The following NDST4 variants were observed in gnomAD, a reference collection of about 807,000 sequenced individuals.
NDST4 encodes the protein N-heparan sulfate sulfotransferase 4.
A neutral mutation model predicts 100.8 loss-of-function variants in NDST4; 63 were observed. The observed-to-expected ratio is 0.62, with a 90% CI of 0.51 to 0.77. The LOEUF (loss-of-function observed/expected upper bound fraction) is 0.77, where lower values mean the gene tolerates loss of function less well. Among genes scored for constraint, NDST4 ranks in the 30% least tolerant of loss-of-function variants. The pLI is 0.00. For synonymous variants in NDST4, 377 were observed against 361.8 expected, an observed-to-expected ratio of 1.04 and a Z score of -0.48; for missense variants, 943 against 1,018.4, an observed-to-expected ratio of 0.93 and a Z score of 1.01.
chr4:115,056,708 A>C (rs55881462), intron 2 of NDST4, among the ~76,000 whole-genome samples: 15 of 152,296 alleles, frequency 9.8e-5, no homozygotes, highest in Non-Finnish European at 1.9e-4. Flanking sequence ...GGTCATGCTC[A>C]GAAAAAAATA....
At chr4:114,888,546 G>A (rs770529160) in intron 6 of NDST4, among the ~76,000 whole-genome samples, 32 of 152,202 alleles carry the variant, frequency 2.1e-4, no homozygotes, top group African/African-American at 6.5e-4. Context: ...AACTGGTAAA[G>A]AAGTTAAAAC....
Position 114,943,636 on chromosome 4 carries a change from A to C in NDST4, c.1222-6133T>G, listed in dbSNP as rs571516585. Among the ~76,000 whole-genome samples, 18 of 152,266 alleles carry C rather than the reference A, an allele frequency of 1.2e-4. No homozygotes were observed. In the South Asian group the frequency reaches 2.9e-3, roughly 25 times the overall value. Reference sequence around the variant, plus strand: ...ATTATTTCCGTTTTCACATAATTATATATAATATTTTAAGTACATAATAAA... The same window carrying C: ...ATTATTTCCGTTTTCACATAATTATCTATAATATTTTAAGTACATAATAAA... On this transcript the variant is annotated intron_variant, in intron 4 of 13. Transcript: ENST00000264363.
chr4:114,970,238 T>C (rs748553829), intron 4 of NDST4, among the ~76,000 whole-genome samples, 192 bp downstream of exon 4: 4 of 152,222 alleles, frequency 2.6e-5, no homozygotes, highest in Non-Finnish European at 5.9e-5. Flanking sequence ...AATTACATAA[T>C]GGTCCTTTAC....
intron 2 of NDST4, among the ~76,000 whole-genome samples, chr4:115,017,936 G>A (rs1350788704): frequency 6.6e-6 from 1 of 151,778 alleles, no homozygotes; most frequent in African/African-American, 2.4e-5. Flanking sequence ...AAAAAATTGA[G>A]AAGACAAATT....
chr4:114,868,775 T>C (rs551340573), intron 7 of NDST4, among the ~76,000 whole-genome samples: 1 of 151,846 alleles, frequency 6.6e-6, no homozygotes, highest in Non-Finnish European at 1.5e-5. Flanking sequence ...CAGAAAACTA[T>C]ATTTTGATAA....
rs534381642 is a variant in NDST4 at position 115,070,018 on chromosome 4, C to A, written c.978+6041G>T. On this transcript the variant is annotated intron_variant, in intron 2 of 13. Coordinates refer to ENST00000264363, the MANE Select transcript of NDST4 (RefSeq NM_022569.3). ...CACTGGGGAAGACAGTGTGGCAATCCCTCAAACACCTAAAAACAGAACTAC... is the reference window on the plus strand; with the variant it reads ...CACTGGGGAAGACAGTGTGGCAATCACTCAAACACCTAAAAACAGAACTAC... Among the ~76,000 whole-genome samples, 9 of 152,118 alleles carry A rather than the reference C, an allele frequency of 5.9e-5. No individual in the cohort carries two copies. The East Asian group carries it at 1.7e-3, about 29-fold the overall frequency.
chr4:115,065,319 A>G (rs1228549562), intron 2 of NDST4, among the ~76,000 whole-genome samples: 5 of 152,060 alleles, frequency 3.3e-5, no homozygotes, highest in Non-Finnish European at 5.9e-5. Context: ...GGTTGAAGAG[A>G]TTAGGTTAAG....
intron 6 of NDST4, among the ~76,000 whole-genome samples, chr4:114,908,702 G>A (rs867992388): frequency 1.8e-4 from 28 of 152,276 alleles, no homozygotes; most frequent in African/African-American, 6.3e-4. Context: ...CTAAAAAATT[G>A]AGTAAAATCA....
chr4:114,847,659 TTA>T (rs145503677), intron 9 of NDST4, among the ~76,000 whole-genome samples: 2,517 of 152,270 alleles, frequency 0.017, 71 homozygotes, highest in African/African-American at 0.057. Context: ...TACTGTGATT[TTA>T]TTTTTTTCAT....
rs527606784 is a variant in NDST4, at chr4:115,001,639, C to T, written c.979-24365G>A. On this transcript the variant is annotated intron_variant, in intron 2 of 13. Transcript: ENST00000264363. ...ATACGCTCCACTCTAATATAATATA[C>T]TATATATATTATAATGTAATTTAGA... Among the ~76,000 whole-genome samples the T allele has an allele frequency of 2.0e-5, 3 of 151,742 alleles. No homozygotes were observed. The South Asian group carries it at 6.2e-4, about 32-fold the overall frequency.
Position 114,887,034 on chromosome 4 carries a change from C to G in NDST4, c.1537-16084G>C, listed in dbSNP as rs1055275361. On this transcript the variant is annotated intron_variant, in intron 6 of 13. Transcript: ENST00000264363. ...CTTTTTACGAGGTACATAATGGCCA[C>G]TAATCCATTGTGAATTACACTTTGG... is the stretch of plus-strand genomic sequence containing the variant. Among the ~76,000 whole-genome samples the G allele has an allele frequency of 3.3e-5, 5 of 152,110 alleles. No individual in the cohort carries two copies. In the East Asian group the frequency reaches 7.7e-4, roughly 23 times the overall value.
chr4:114,975,765 C>A (rs1726619067), intron 3 of NDST4, among the ~76,000 whole-genome samples: 1 of 152,044 alleles, frequency 6.6e-6, no homozygotes, highest in Non-Finnish European at 1.5e-5. Context: ...TCCAAATAAT[C>A]CCATAATTTT....
chr4:115,065,108 A>T (rs1406605538), intron 2 of NDST4, among the ~76,000 whole-genome samples: 1 of 152,096 alleles, frequency 6.6e-6, no homozygotes, highest in Non-Finnish European at 1.5e-5. Context: ...CATTGAGTAC[A>T]TATTCAAATT....
chr4:114,991,294 G>A (rs531876400), intron 2 of NDST4, among the ~76,000 whole-genome samples: 23 of 152,114 alleles, frequency 1.5e-4, no homozygotes, highest in African/African-American at 5.5e-4. Context: ...TAATTAAAGA[G>A]GCTTTACTCC....
At chr4:114,890,760 C>T (rs977907196) in intron 6 of NDST4, among the ~76,000 whole-genome samples, 2 of 151,976 alleles carry the variant, frequency 1.3e-5, no homozygotes, top group African/African-American at 4.8e-5. Flanking sequence ...AGAATTTTTC[C>T]TATTAATTAA....
intron 8 of NDST4, among the ~76,000 whole-genome samples, chr4:114,850,294 C>A (rs6825790): frequency 0.26 from 40,032 of 151,918 alleles, 7,963 homozygotes; most frequent in African/African-American, 0.56. Context: ...AATCGTACCC[C>A]GATCTCCCCT....
Position 114,970,545 on chromosome 4 carries a change from C to T in NDST4, c.1106G>A (p.Arg369Gln), listed in dbSNP as rs200191868. The change falls in exon 4 of 14, where the codon CGG (arginine) becomes CAG (glutamine). Residue 369 changes from arginine (R) to glutamine (Q), a missense_variant. Around this residue, in one of 2 missense-constraint regions of NDST4, gnomAD observed 526 missense variants for 634.1 expected, o/e 0.83. Transcript: ENST00000264363. Reference protein sequence around the residue: ...EEDEGDDLLLRSVDEFWWFPH... With the variant: ...EEDEGDDLLLQSVDEFWWFPH... Reference sequence around the variant, plus strand: ...AAACCACCAGAACTCATCCACAGACCGAAGTAAAAGGTCATCTCCTTCATC... The same window carrying T: ...AAACCACCAGAACTCATCCACAGACTGAAGTAAAAGGTCATCTCCTTCATC... 45 of 1,613,676 alleles carry T rather than the reference C, an allele frequency of 2.8e-5. No individual in the cohort carries two copies. The highest frequency in any genetic ancestry group is 1.1e-4 in the South Asian group (10 of 91,058).
chr4:115,030,933 C>T (rs1459092305), intron 2 of NDST4, among the ~76,000 whole-genome samples: 1 of 152,028 alleles, frequency 6.6e-6, no homozygotes, highest in Non-Finnish European at 1.5e-5. Context: ...CTTAATATCA[C>T]ACCCTGTAAA....
At chr4:115,012,126 T>A (rs868026618) in intron 2 of NDST4, among the ~76,000 whole-genome samples, 5 of 151,650 alleles carry the variant, frequency 3.3e-5, no homozygotes, top group Non-Finnish European at 5.9e-5. Flanking sequence ...TAACAAAAAA[T>A]TACAAACCAA....
Sources: allele counts gnomAD v4.1 joint callset (sites outside exome capture counted in the v4.1 genomes callset), GRCh38; gene constraint gnomAD v4.1.1; regional missense constraint gnomAD v4.1.1; transcripts MANE v1.5; gene names NCBI Gene and HGNC (gene_info 2026-07-23, HGNC 2026-07-21).